The following PKD1L1 variants were observed in gnomAD, a reference collection of about 807,000 sequenced individuals.
The protein encoded by PKD1L1 is polycystin 1 like 1, transient receptor potential channel interacting.
In PKD1L1, 236 loss-of-function variants were observed where a neutral mutation model predicts 323.4. That is an observed-to-expected ratio of 0.73 (90% CI 0.66 to 0.81). The LOEUF is 0.81. Among genes scored for constraint, PKD1L1 ranks in the 40% least tolerant of loss-of-function variants. The probability of loss-of-function intolerance (pLI) is 0.00; values close to 1 mark genes in which losing one functional copy is unlikely to be tolerated. For missense variants in PKD1L1, 3,320 were observed against 3,508.0 expected (o/e 0.95, Z 1.35); for synonymous variants, 1,344 against 1,335.0 (o/e 1.01, Z -0.15).
chr7:47,895,347 A>T (rs1786912208), intron 14 of PKD1L1, among the ~76,000 whole-genome samples: 1 of 152,230 alleles, frequency 6.6e-6, no homozygotes, highest in South Asian at 2.1e-4. Flanking sequence ...CCTGTCCCAT[A>T]GGCTGGACAC....
intron 50 of PKD1L1, among the ~76,000 whole-genome samples, chr7:47,810,431 T>A (rs1268245714): frequency 6.6e-6 from 1 of 152,236 alleles, no homozygotes; most frequent in Non-Finnish European, 1.5e-5. Flanking sequence ...ACTGTTCACC[T>A]TGATTACCAA....
chr7:47,959,425 C>G, the PKD1L1 span, among the ~76,000 whole-genome samples: 1 of 149,312 alleles, frequency 6.7e-6, no homozygotes, highest in Non-Finnish European at 1.5e-5. Flanking sequence ...AGGAGCGTCT[C>G]TGCCCGGCCG....
rs141279225 is a variant in PKD1L1 at position 47,936,946 on chromosome 7, T to C, written c.298A>G (p.Thr100Ala). 2.7e-5 allele frequency: 44 copies of C among 1,608,954 alleles called. No homozygotes were observed. Among genetic ancestry groups the C allele is most frequent in the Non-Finnish European group, 3.6e-5 (42 of 1,178,630 alleles). The change falls in exon 4 of 57, where the codon ACA becomes GCA. Residue 100 changes from threonine (T) to alanine (A), a missense_variant. Coordinates refer to ENST00000289672, the MANE Select transcript of PKD1L1 (RefSeq NM_138295.5). Reference protein sequence around the residue: ...SASRQKNIWKTTSEAALSVVN... With the variant: ...SASRQKNIWKATSEAALSVVN... ...ACACTTAACGCTGCTTCACTAGTTG[T>C]TTTCCAAATGTTCTGTAAGAAAAAA...
chr7:47,826,495 T>C (rs779631306), intron 45 of PKD1L1, among the ~76,000 whole-genome samples: 15 of 152,194 alleles, frequency 9.9e-5, no homozygotes, highest in Non-Finnish European at 2.1e-4. Flanking sequence ...GGGAAGCTAA[T>C]GGTGTGCCAC....
chr7:47,878,222 ATTG>A (rs969279654), intron 21 of PKD1L1, among the ~76,000 whole-genome samples: 53 of 152,328 alleles, frequency 3.5e-4, no homozygotes, highest in African/African-American at 1.3e-3. Context: ...ATCCAAAATC[ATTG>A]TTGTAAATAG....
intron 21 of PKD1L1, among the ~76,000 whole-genome samples, chr7:47,878,293 G>A (rs923278705): frequency 6.6e-6 from 1 of 152,088 alleles, no homozygotes; most frequent in African/African-American, 2.4e-5. Context: ...TATCCCCAAT[G>A]ATTAAACATT....
rs2128746036 is a variant in PKD1L1, at chr7:47,878,889, A to C, written c.3521-1258T>G. The stretch of plus-strand genomic sequence containing the variant: ...TGAGTGCACCACCTGGCAGCCAGCC[A>C]AGGACACTGACCAGGCTGGTGGGCC... On this transcript the variant is annotated intron_variant, in intron 21 of 56. Coordinates refer to ENST00000289672, the MANE Select transcript of PKD1L1 (RefSeq NM_138295.5). Among the ~76,000 whole-genome samples, 4 of 152,348 alleles carry C rather than the reference A, an allele frequency of 2.6e-5. 1 individual carries two copies. In the Middle Eastern group the frequency reaches 0.01, roughly 389 times the overall value.
chr7:47,941,822 C>T (rs1182981964), intron 2 of PKD1L1, among the ~76,000 whole-genome samples: 1 of 151,918 alleles, frequency 6.6e-6, no homozygotes, highest in Non-Finnish European at 1.5e-5. Flanking sequence ...GTGGATATAC[C>T]CCTGAACAGA....
At chr7:47,955,146 A>G in the PKD1L1 span, among the ~76,000 whole-genome samples, 2 of 152,226 alleles carry the variant, frequency 1.3e-5, no homozygotes, top group African/African-American at 4.8e-5. Flanking sequence ...TGTTGGGCCC[A>G]TGGTAAAAAG....
intron 22 of PKD1L1, among the ~76,000 whole-genome samples, chr7:47,877,020 T>A (rs2004959): frequency 0.36 from 55,108 of 151,690 alleles, 11,400 homozygotes; most frequent in African/African-American, 0.57. Flanking sequence ...TTTAAATCCA[T>A]CCTCTCATTT....
At chr7:47,935,610 T>C (rs1273560118) in intron 4 of PKD1L1, among the ~76,000 whole-genome samples, 1 of 152,204 alleles carries the variant, frequency 6.6e-6, no homozygotes. Context: ...CAGGTGGCTG[T>C]CACGGATTCT....
chr7:47,935,675 T>C (rs994144476), intron 4 of PKD1L1, among the ~76,000 whole-genome samples: 2 of 152,204 alleles, frequency 1.3e-5, no homozygotes, highest in African/African-American at 4.8e-5. Flanking sequence ...TTGGCACAGG[T>C]TGGACTTGGC....
intron 45 of PKD1L1, 51 bp from the exon 46 acceptor site, chr7:47,821,237 A>G (rs778780657): frequency 9.4e-7 from 1 of 1,064,418 alleles, no homozygotes; most frequent in Non-Finnish European, 1.4e-6. Flanking sequence ...GTATGTAGGT[A>G]CCTGAGTGCT....
intron 31 of PKD1L1, among the ~76,000 whole-genome samples, chr7:47,851,334 G>A (rs1785778788): frequency 6.6e-6 from 1 of 152,186 alleles, no homozygotes. Context: ...AAGCATCTTG[G>A]AGGAGCTCCC....
chr7:47,940,152 A>C (rs1464636249), intron 3 of PKD1L1, 41 bp downstream of exon 3: 1 of 1,613,518 alleles, frequency 6.2e-7, no homozygotes. Flanking sequence ...CATGTACTGT[A>C]TTCAGGAAGA....
At chr7:47,850,549 T>C (rs1386472575) in intron 31 of PKD1L1, among the ~76,000 whole-genome samples, 1 of 147,404 alleles carries the variant, frequency 6.8e-6, no homozygotes, top group Non-Finnish European at 1.5e-5. Flanking sequence ...GGAGAATCGC[T>C]TGAACCCAGG....
chr7:47,844,029 C>T (rs530811150), intron 33 of PKD1L1, among the ~76,000 whole-genome samples: 7 of 152,194 alleles, frequency 4.6e-5, no homozygotes, highest in Admixed American at 1.3e-4. Flanking sequence ...ACTCTGAAAC[C>T]TTTCGGATTC....
chr7:47,930,942 A>G (rs1424820404), intron 6 of PKD1L1, among the ~76,000 whole-genome samples, 162 bp downstream of exon 6: 1 of 152,260 alleles, frequency 6.6e-6, no homozygotes, highest in African/African-American at 2.4e-5. Context: ...AACAGTGGCC[A>G]ATTATGTCTA....
In PKD1L1 at chr7:47,876,352, G is replaced by C; in HGVS notation, c.3664-135C>G. ...CAGCCAGGAAGAGGGTAAGTGACAG[G>C]TAAGCAGCACTCCCAGCTGCCCAGA... is the stretch of plus-strand genomic sequence containing the variant. On this transcript the variant is annotated intron_variant, in intron 22 of 56. Transcript: ENST00000289672. The C allele has an allele frequency of 1.9e-6, 2 of 1,034,324 alleles. 1 individual carries two copies. Among genetic ancestry groups the C allele is most frequent in the South Asian group, 3.4e-5 (2 of 58,874 alleles). 64.1% of individuals were successfully genotyped at this position (1,034,324 alleles called of 1,614,324 possible).
Sources: allele counts gnomAD v4.1 joint callset (sites outside exome capture counted in the v4.1 genomes callset), GRCh38; gene constraint gnomAD v4.1.1; transcripts MANE v1.5; gene names NCBI Gene and HGNC (gene_info 2026-07-23, HGNC 2026-07-21).